INO80D: variants seen among roughly 807,000 people sequenced by gnomAD.
INO80D encodes the protein INO80 complex subunit D.
In INO80D, 21 loss-of-function variants were observed where a neutral mutation model predicts 87.6. The observed-to-expected ratio is 0.24, with a 90% CI of 0.17 to 0.35. INO80D has a LOEUF of 0.35. INO80D is among the 10% of genes least tolerant of loss of function. The pLI is 1.00. For synonymous variants in INO80D, 440 were observed against 491.0 expected (o/e 0.90, Z 1.37); for missense variants, 982 against 1,280.7 (o/e 0.77, Z 3.56).
At chr2:206,012,640 G>A (rs1234519685) in intron 8 of INO80D, among the ~76,000 whole-genome samples, 1 of 152,002 alleles carries the variant, frequency 6.6e-6, no homozygotes, top group African/African-American at 2.4e-5. Flanking sequence ...GGCCAAGGTG[G>A]GCAGATTACT....
At position 206,034,511 on chromosome 2, in the gene INO80D, G is replaced by T. The variant is rs147527456; in HGVS notation, c.1074-6176C>A. Among the ~76,000 whole-genome samples the T allele has an allele frequency of 3.3e-3, 496 of 152,222 alleles. 1 individual carries two copies. Among genetic ancestry groups the T allele is most frequent in the Middle Eastern group, 6.8e-3 (2 of 294 alleles). ...TAAAAATCACATGATCATCTCAATA[G>T]ATGCAGAAAAAGCATTTGACAAAAT... On this transcript the variant is annotated intron_variant, in intron 5 of 10. Coordinates refer to ENST00000403263, the MANE Select transcript of INO80D (RefSeq NM_017759.5).
At chr2:206,023,867 A>G (rs564350026) in intron 6 of INO80D, among the ~76,000 whole-genome samples, 1 of 152,276 alleles carries the variant, frequency 6.6e-6, no homozygotes, top group African/African-American at 2.4e-5. Flanking sequence ...TGTGGCAGTT[A>G]TCATTAATGT....
At chr2:206,075,591 C>A (rs1214997065) in intron 1 of INO80D, among the ~76,000 whole-genome samples, 1 of 151,878 alleles carries the variant, frequency 6.6e-6, no homozygotes, top group Non-Finnish European at 1.5e-5. Context: ...CAAGCACCAC[C>A]ATGCCCCGCT....
In INO80D at chr2:206,056,694, T is replaced by C. The variant is rs1340968964; in HGVS notation, c.468A>G (p.Glu156=). Residue 156 remains glutamate (E), a synonymous_variant, in exon 4 of 11, where the codon GAA becomes GAG. Coordinates refer to ENST00000403263, the MANE Select transcript of INO80D (RefSeq NM_017759.5). The stretch of plus-strand genomic sequence containing the variant: ...TTGCCCCTTTCTTTAGGTCATCATC[T>C]TCCTCATTGAAAGCAAATGGGTCTT... ...ELEDPFAFNE[E]DDDLKKGATV... is the part of the protein sequence containing the mutation. 6.2e-7 allele frequency: 1 copy of C among 1,613,574 alleles called. No homozygotes were observed. The highest frequency in any genetic ancestry group is 1.3e-5 in the African/African-American group (1 of 74,932).
chr2:206,033,101 T>C (rs1297730597), intron 5 of INO80D, among the ~76,000 whole-genome samples: 1 of 152,104 alleles, frequency 6.6e-6, no homozygotes, highest in Non-Finnish European at 1.5e-5. Context: ...TCACCTAACA[T>C]ATAAGGACTC....
intron 6 of INO80D, among the ~76,000 whole-genome samples, chr2:206,026,857 C>T (rs1335473330): frequency 2.0e-5 from 3 of 151,748 alleles, no homozygotes; most frequent in Non-Finnish European, 2.9e-5. Flanking sequence ...CAGATTTTCA[C>T]GAATGGAATA....
At chr2:206,038,198 A>C (rs1688941582) in intron 5 of INO80D, among the ~76,000 whole-genome samples, 1 of 152,210 alleles carries the variant, frequency 6.6e-6, no homozygotes, top group African/African-American at 2.4e-5. Context: ...TCTATGCATA[A>C]CAAAACTGCA....
chr2:206,058,135 T>A (rs1689577583), intron 3 of INO80D, among the ~76,000 whole-genome samples: 1 of 152,172 alleles, frequency 6.6e-6, no homozygotes. Flanking sequence ...TAAAAACCTA[T>A]AAAGGCCGGG....
At position 206,007,177 on chromosome 2, in the gene INO80D, A is replaced by G. The variant is rs1688049092; in HGVS notation, c.1918+107T>C. 4.4e-6 allele frequency: 4 copies of G among 916,734 alleles called. No homozygotes were observed. The South Asian group carries it at 6.5e-5, about 15-fold the overall frequency. 56.8% of individuals were successfully genotyped at this position (916,734 alleles called of 1,614,324 possible). On this transcript the variant is annotated intron_variant, in intron 10 of 10. Transcript: ENST00000403263. ...TTATATTTCCTATCTACAGTGAAAGACATTACATGTGAGGAGGAATATGAT... is the reference window on the plus strand; with the variant it reads ...TTATATTTCCTATCTACAGTGAAAGGCATTACATGTGAGGAGGAATATGAT...
Position 206,007,425 on chromosome 2 carries a change from C to G in INO80D, c.1777G>C (p.Glu593Gln), listed in dbSNP as rs1157509037. The stretch of plus-strand genomic sequence containing the variant: ...TCCGGCAACTCATCAGCACTCAGCT[C>G]TGGCGTGGATGGGCTCCTGGGAAAG... ...ASHIRSPSTP[E>Q]LSADELPDDI... The change falls in exon 10 of 11, where the codon GAG (glutamate) becomes CAG (glutamine). Residue 593 changes from glutamate to glutamine, a missense_variant. Transcript: ENST00000403263. 1.2e-6 allele frequency: 2 copies of G among 1,611,876 alleles called. No homozygotes were observed. Among genetic ancestry groups the G allele is most frequent in the East Asian group, 2.2e-5 (1 of 44,822 alleles).
rs142825831 is a variant in INO80D, at chr2:206,074,563, G to A, written c.-123-11319C>T. On this transcript the variant is annotated intron_variant, in intron 1 of 10. Transcript: ENST00000403263. ...CGGGAGGCGGAGGTTGCAGTGAGCCGAGATCACACCGTTACACTCCAACCT... is the reference window on the plus strand; with the variant it reads ...CGGGAGGCGGAGGTTGCAGTGAGCCAAGATCACACCGTTACACTCCAACCT... Among the ~76,000 whole-genome samples, 12 of 148,562 alleles carry A rather than the reference G, an allele frequency of 8.1e-5. No homozygotes were observed. In the East Asian group the frequency reaches 1.2e-3, roughly 15 times the overall value.
At chr2:206,025,543 A>ATATATATATATATC (rs1688591756) in intron 6 of INO80D, 2 of 52,082 alleles carry the variant, frequency 3.8e-5, no homozygotes, top group East Asian at 1.9e-3. Flanking sequence ...AAAAAAAAAA[A>ATATATATATATATC]TATATATATA....
chr2:206,013,849 A>T (rs1688244040), intron 8 of INO80D, among the ~76,000 whole-genome samples: 2 of 40,320 alleles, frequency 5.0e-5, no homozygotes, highest in Non-Finnish European at 9.2e-5. Flanking sequence ...GAGTAAGCTT[A>T]AAAAAAAAAA....
chr2:206,064,069 C>T (rs1203125633), intron 1 of INO80D, among the ~76,000 whole-genome samples: 1 of 152,192 alleles, frequency 6.6e-6, no homozygotes, highest in Non-Finnish European at 1.5e-5. Context: ...CCTATCCCAT[C>T]CAATCACAAT....
intron 6 of INO80D, among the ~76,000 whole-genome samples, chr2:206,022,471 T>G (rs1050845320): frequency 2.0e-5 from 3 of 152,164 alleles, no homozygotes; most frequent in Admixed American, 1.3e-4. Context: ...TTACCAAAAC[T>G]TTTTCATGTT....
At chr2:206,033,558 C>G (rs1688822110) in intron 5 of INO80D, among the ~76,000 whole-genome samples, 1 of 152,000 alleles carries the variant, frequency 6.6e-6, no homozygotes. Context: ...ATGACACAAC[C>G]TATGAAAACC....
intron 6 of INO80D, among the ~76,000 whole-genome samples, chr2:206,024,881 G>A (rs529234589): frequency 1.3e-5 from 2 of 151,826 alleles, no homozygotes; most frequent in African/African-American, 2.4e-5. Flanking sequence ...TCAGCCTCCC[G>A]AGTAGCTGGG....
intron 4 of INO80D, among the ~76,000 whole-genome samples, chr2:206,051,697 C>T (rs981035565): frequency 3.9e-5 from 6 of 151,906 alleles, no homozygotes; most frequent in Admixed American, 2.6e-4. Flanking sequence ...AAGAGAATCT[C>T]ACTATGTTTC....
At chr2:206,060,564 CTTT>C (rs375906117) in intron 3 of INO80D, among the ~76,000 whole-genome samples, 1 of 143,368 alleles carries the variant, frequency 7.0e-6, no homozygotes, top group African/African-American at 2.5e-5. Flanking sequence ...CAACTTAGTG[CTTT>C]TTTTTTTTTT....
Sources: gnomAD v4.1 joint callset for allele counts (sites outside exome capture counted in the v4.1 genomes callset) on GRCh38, gnomAD v4.1.1 for gene constraint, MANE v1.5 for transcripts, NCBI Gene and HGNC (gene_info 2026-07-23, HGNC 2026-07-21) for gene names.